Variants in DNAH14 observed in about 807,000 individuals in gnomAD.
The protein encoded by DNAH14 is dynein axonemal heavy chain 14.
Under a neutral mutation model 520.9 loss-of-function variants are expected in DNAH14, and 478 were observed. The ratio of observed to expected loss-of-function variants is 0.92; its 90% CI spans 0.85 to 0.99. The LOEUF is 0.99. DNAH14 is among the 50% of genes least tolerant of loss of function. The probability of loss-of-function intolerance (pLI) is 0.00; values close to 1 mark genes in which losing one functional copy is unlikely to be tolerated. For synonymous variants in DNAH14, 1,581 were observed against 1,757.2 expected, an observed-to-expected ratio of 0.90 and a Z score of 2.51; for missense variants, 4,831 against 5,234.5, an observed-to-expected ratio of 0.92 and a Z score of 2.38.
intron 66 of DNAH14, among the ~76,000 whole-genome samples, chr1:225,335,879 A>G (rs1299425537): frequency 2.5e-5 from 1 of 39,728 alleles, no homozygotes; most frequent in Non-Finnish European, 5.0e-5. Flanking sequence ...ACACATATAC[A>G]TATATGTACA....
intron 7 of DNAH14, among the ~76,000 whole-genome samples, 159 bp from the exon 8 acceptor site, chr1:224,973,932 G>C (rs2061652121): frequency 6.6e-6 from 1 of 152,096 alleles, no homozygotes; most frequent in African/African-American, 2.4e-5. Flanking sequence ...TTGATAGTTT[G>C]GGAGAAAATT....
At chr1:225,267,326 G>A (rs1406530936) in intron 49 of DNAH14, among the ~76,000 whole-genome samples, 1 of 128,182 alleles carries the variant, frequency 7.8e-6, no homozygotes, top group Non-Finnish European at 1.6e-5. Context: ...ATGGAATCTC[G>A]CTCTGTCACC....
chr1:224,944,248 A>T (rs2059634808), intron 1 of DNAH14, among the ~76,000 whole-genome samples: 1 of 152,172 alleles, frequency 6.6e-6, no homozygotes, highest in Non-Finnish European at 1.5e-5. Flanking sequence ...ACCATTATGT[A>T]ATGGCCTTCT....
intron 1 of DNAH14, among the ~76,000 whole-genome samples, chr1:224,946,227 C>G (rs1343168220): frequency 6.6e-6 from 1 of 152,162 alleles, no homozygotes; most frequent in Non-Finnish European, 1.5e-5. Context: ...TGCGGCCTTG[C>G]CCTTTGATCT....
At chr1:225,177,441 A>G (rs2083451613) in intron 36 of DNAH14, among the ~76,000 whole-genome samples, 1 of 152,230 alleles carries the variant, frequency 6.6e-6, no homozygotes, top group South Asian at 2.1e-4. Flanking sequence ...TTGCATAAGT[A>G]ATGAGGATCC....
chr1:225,102,042 T>TC (rs932454716), intron 23 of DNAH14, among the ~76,000 whole-genome samples: 15 of 85,548 alleles, frequency 1.8e-4, no homozygotes, highest in African/African-American at 6.9e-4. Flanking sequence ...TCCCTCCCCC[T>TC]CCCCCCACCC....
intron 23 of DNAH14, among the ~76,000 whole-genome samples, chr1:225,107,182 C>A (rs1289843393): frequency 1.3e-5 from 2 of 152,180 alleles, no homozygotes; most frequent in African/African-American, 4.8e-5. Context: ...GCGGAGGCTG[C>A]AGAACAGCAG....
At chr1:225,354,468 C>T (rs190496207) in intron 73 of DNAH14, among the ~76,000 whole-genome samples, 39 of 152,238 alleles carry the variant, frequency 2.6e-4, no homozygotes, top group African/African-American at 8.9e-4. Context: ...CATTTATGAG[C>T]ACCCCTAACA....
chr1:225,324,975 A>T (rs1220055407), intron 64 of DNAH14, 143 bp downstream of exon 64: 1 of 411,908 alleles, frequency 2.4e-6, no homozygotes, highest in African/African-American at 2.1e-5. Context: ...AGTAAATAAT[A>T]TTATTGGTAA....
At chr1:225,303,511 C>T (rs2094179248) in intron 57 of DNAH14, among the ~76,000 whole-genome samples, 164 bp downstream of exon 57, 2 of 152,194 alleles carry the variant, frequency 1.3e-5, no homozygotes, top group Admixed American at 1.3e-4. Flanking sequence ...AATTCCCCAT[C>T]TGTTGTACCC....
chr1:225,230,873 T>C (rs1313033813), intron 41 of DNAH14, among the ~76,000 whole-genome samples, 200 bp from the exon 42 acceptor site: 1 of 152,172 alleles, frequency 6.6e-6, no homozygotes, highest in Non-Finnish European at 1.5e-5. Context: ...TAAAAATCAG[T>C]TCTGACAATG....
intron 23 of DNAH14, among the ~76,000 whole-genome samples, chr1:225,116,715 G>A (rs902192194): frequency 6.6e-6 from 1 of 152,166 alleles, no homozygotes; most frequent in African/African-American, 2.4e-5. Context: ...GGGTCCAAGA[G>A]GGACTTTTGA....
intron 2 of DNAH14, among the ~76,000 whole-genome samples, chr1:224,953,517 A>T (rs2060315173): frequency 6.6e-6 from 1 of 152,222 alleles, no homozygotes; most frequent in South Asian, 2.1e-4. Context: ...TTAAAAAGAA[A>T]ATCTGATAAT....
At chr1:225,337,949 G>T in intron 67 of DNAH14, 112 bp from the exon 68 acceptor site, 3 of 1,046,908 alleles carry the variant, frequency 2.9e-6, no homozygotes, top group Non-Finnish European at 4.0e-6. Flanking sequence ...TGAAATACTA[G>T]GTCTTATTCA....
rs1167127072 is a variant in DNAH14, at chr1:225,043,174, A to C, written c.1768+60A>C. 4.8e-6 allele frequency: 7 copies of C among 1,467,350 alleles called. No individual in the cohort carries two copies. The East Asian group carries it at 1.5e-4, about 32-fold the overall frequency. The allele number at this position is 1,467,350 out of a possible 1,614,324, so 90.9% of individuals were successfully genotyped here. On this transcript the variant is annotated intron_variant, in intron 13 of 85. Transcript: ENST00000682510. ...GCCAGGTGTGGTGGCTCATGCCTGC[A>C]ATCCTGGCACTCTGGGAGGCTGAGG...
chr1:225,202,108 T>C (rs1319648575), intron 38 of DNAH14, among the ~76,000 whole-genome samples: 3 of 152,158 alleles, frequency 2.0e-5, no homozygotes, highest in Admixed American at 1.3e-4. Flanking sequence ...ACTCCTGGCC[T>C]CAGGTGATCT....
chr1:225,323,363 C>T (rs886305602), intron 62 of DNAH14, among the ~76,000 whole-genome samples: 1 of 152,172 alleles, frequency 6.6e-6, no homozygotes, highest in Non-Finnish European at 1.5e-5. Flanking sequence ...TTAAAAGTTT[C>T]TTTTTAAAAA....
chr1:224,935,107 A>G (rs1307981327), intron 1 of DNAH14, among the ~76,000 whole-genome samples: 1 of 151,900 alleles, frequency 6.6e-6, no homozygotes, highest in Non-Finnish European at 1.5e-5. Context: ...CAAAGGAGGA[A>G]GGGAAAGCAC....
At chr1:225,008,019 C>T (rs1446290131) in intron 10 of DNAH14, among the ~76,000 whole-genome samples, 1 of 151,440 alleles carries the variant, frequency 6.6e-6, no homozygotes, top group Admixed American at 6.6e-5. Context: ...TGGTTTGCTG[C>T]ACCCATCAAC....
Sources: gnomAD v4.1 joint callset for allele counts (sites outside exome capture counted in the v4.1 genomes callset) on GRCh38, gnomAD v4.1.1 for gene constraint, MANE v1.5 for transcripts, NCBI Gene and HGNC (gene_info 2026-07-23, HGNC 2026-07-21) for gene names.